The following BOP1 variants were observed in gnomAD, a reference collection of about 807,000 sequenced individuals.
BOP1 encodes the protein ribosome biogenesis protein BOP1.
Under a neutral mutation model 82.9 loss-of-function variants are expected in BOP1, and 54 were observed. That is an observed-to-expected ratio of 0.65 (90% CI 0.52 to 0.82). BOP1 has a LOEUF of 0.82. BOP1 is among the 40% of genes least tolerant of loss of function. The pLI is 0.00. For synonymous variants in BOP1, 566 were observed against 451.1 expected (o/e 1.25, Z -3.23); for missense variants, 1,170 against 1,072.0 (o/e 1.09, Z -1.28).
intron 11 of BOP1, 25 bp from the exon 12 acceptor site, chr8:144,263,426 C>G: frequency 6.3e-7 from 1 of 1,597,836 alleles, no homozygotes; most frequent in Non-Finnish European, 8.5e-7. Flanking sequence ...CAGACACGGC[C>G]CCTAAGCACA....
At chr8:144,284,725 C>A (rs547729630) in intron 2 of BOP1, among the ~76,000 whole-genome samples, 47 of 152,318 alleles carry the variant, frequency 3.1e-4, no homozygotes, top group South Asian at 2.5e-3. Context: ...TCCAAAGGTG[C>A]CCTAGAACAC....
At chr8:144,265,674 C>T (rs1350104281) in intron 3 of BOP1, 1 of 158,586 alleles carries the variant, frequency 6.3e-6, no homozygotes, top group Non-Finnish European at 1.4e-5. Flanking sequence ...ACAGTAGCCA[C>T]GGGGAGGGGC....
In BOP1 at chr8:144,262,979, C is replaced by A; in HGVS notation, c.1768G>T (p.Ala590Ser). 4 of 1,551,900 alleles carry A rather than the reference C, an allele frequency of 2.6e-6. No homozygotes were observed. Among genetic ancestry groups the A allele is most frequent in the Non-Finnish European group, 3.5e-6 (4 of 1,155,846 alleles). Residue 590 changes from alanine to serine, a missense_variant, in exon 13 of 16, where the codon GCC becomes TCC. Coordinates refer to ENST00000569669, the MANE Select transcript of BOP1 (RefSeq NM_015201.5). ...GACGCCACCAACAGGAAGGGCCGGG[C>A]AGGGTGGAAGGCCACTCGCTGCACC... The part of the protein sequence containing the change: ...GQVQRVAFHP[A>S]RPFLLVASQR...
chr8:144,274,142 C>A (rs1438360164), intron 3 of BOP1, among the ~76,000 whole-genome samples: 2 of 152,136 alleles, frequency 1.3e-5, no homozygotes, highest in African/African-American at 4.8e-5. Context: ...AGCATCACAG[C>A]CACTGCCACC....
intron 3 of BOP1, among the ~76,000 whole-genome samples, chr8:144,272,590 G>T (rs1845508454): frequency 6.6e-6 from 1 of 152,100 alleles, no homozygotes; most frequent in East Asian, 1.9e-4. Context: ...GCCCACCCGG[G>T]TTCCAGCTGC....
intron 3 of BOP1, among the ~76,000 whole-genome samples, chr8:144,270,607 C>T (rs1432364291): frequency 1.3e-5 from 2 of 152,152 alleles, no homozygotes; most frequent in Non-Finnish European, 2.9e-5. Flanking sequence ...GGGAGGAACA[C>T]TCCGTCACCC....
Position 144,264,725 on chromosome 8 carries a change from T to C in BOP1, c.652A>G (p.Asn218Asp), listed in dbSNP as rs1166403186. 2 of 1,577,408 alleles carry C rather than the reference T, an allele frequency of 1.3e-6. No homozygotes were observed. The highest frequency in any genetic ancestry group is 8.6e-7 in the Non-Finnish European group (1 of 1,162,390). Residue 218 changes from asparagine to aspartate, a missense_variant, in exon 5 of 16, where the codon AAC becomes GAC. Transcript: ENST00000569669. ...QSGQFGDVGF[N>D]PYEPAVDFFS... ...CCCCTGCCACCTACCTCATAGGGGT[T>C]GAAGCCCACATCCCCAAACTGGCCA...
rs1845319148 is a variant in BOP1 at position 144,264,835 on chromosome 8, G to A, written c.546-4C>T. The A allele has an allele frequency of 1.9e-6, 3 of 1,608,954 alleles. No homozygotes were observed. The highest frequency in any genetic ancestry group is 2.5e-6 in the Non-Finnish European group (3 of 1,179,108). On this transcript the variant is annotated splice_region_variant and splice_polypyrimidine_tract_variant and intron_variant, in intron 4 of 15. Transcript: ENST00000569669. ...CATCGGGTCCTGCACGGTGCGCCTGGAGACCGCCAGTCAGACCCCGCCAGC... is the reference window on the plus strand; with the variant it reads ...CATCGGGTCCTGCACGGTGCGCCTGAAGACCGCCAGTCAGACCCCGCCAGC...
intron 3 of BOP1, chr8:144,268,007 G>A (rs995303877): frequency 1.1e-5 from 17 of 1,535,380 alleles, no homozygotes; most frequent in Middle Eastern, 2.2e-4. Context: ...GTGCCTTGGC[G>A]CTGGCCACCT....
rs1042884394 is a variant in BOP1 at position 144,276,413 on chromosome 8, T to C, written c.310-109A>G. On this transcript the variant is annotated intron_variant, in intron 2 of 15. Transcript: ENST00000569669. Reference sequence around the variant, plus strand: ...CCGAAATCTCTGAGCAGCTCCAGCCTGGCACAGGCCTCAGCACAAGGCCGA... The same window carrying C: ...CCGAAATCTCTGAGCAGCTCCAGCCCGGCACAGGCCTCAGCACAAGGCCGA... 4.4e-4 allele frequency: 558 copies of C among 1,257,996 alleles called. 3 individuals are homozygous for C. In the African/African-American group the frequency reaches 7.4e-3, roughly 17 times the overall value. The allele number at this position is 1,257,996 out of a possible 1,614,324, so 77.9% of individuals were successfully genotyped here. A position where few individuals can be genotyped will look rare whatever the true frequency, so the allele number is the denominator to read the frequency against.
At chr8:144,290,443 T>TCA (rs1228093255) in intron 1 of BOP1, among the ~76,000 whole-genome samples, 1 of 152,190 alleles carries the variant, frequency 6.6e-6, no homozygotes, top group East Asian at 1.9e-4. Context: ...TTTACAAGTC[T>TCA]CACTTAAGGT....
intron 3 of BOP1, among the ~76,000 whole-genome samples, chr8:144,269,709 T>C (rs1450427426): frequency 3.9e-5 from 6 of 152,062 alleles, no homozygotes; most frequent in Non-Finnish European, 7.4e-5. Flanking sequence ...GAGGACAAGC[T>C]CAGTCACTGC....
intron 2 of BOP1, among the ~76,000 whole-genome samples, chr8:144,286,395 GGGCGC>G (rs1814869619): frequency 3.4e-5 from 5 of 148,032 alleles, no homozygotes; most frequent in African/African-American, 1.3e-4. Context: ...GCAGGTGCAT[GGGCGC>G]CACGGCAGGG....
chr8:144,274,173 G>A (rs963853206), intron 3 of BOP1, among the ~76,000 whole-genome samples: 121 of 151,532 alleles, frequency 8.0e-4, no homozygotes, highest in African/African-American at 2.7e-3. Flanking sequence ...AGCTGAGATC[G>A]CCGCTCGCAG....
rs1413085603 is a variant in BOP1, at chr8:144,263,589, C to T, written c.1313G>A (p.Arg438Gln). 8.1e-6 allele frequency: 13 copies of T among 1,605,158 alleles called. No individual in the cohort carries two copies. The highest frequency in any genetic ancestry group is 8.0e-5 in the African/African-American group (6 of 74,872). ...LVSGSDDGSL[R>Q]LWEVATARCV... Reference sequence around the variant, plus strand: ...GCGGGCAGTGGCCACCTCCCAGAGCCGCAGGGAGCCGTCGTCAGAGCCTGG... The same window carrying T: ...GCGGGCAGTGGCCACCTCCCAGAGCTGCAGGGAGCCGTCGTCAGAGCCTGG... Residue 438 changes from arginine to glutamine, a missense_variant, in exon 11 of 16, where the codon CGG (arginine) becomes CAG (glutamine). Transcript: ENST00000569669.
intron 3 of BOP1, chr8:144,268,470 G>A (rs1845433121): frequency 1.4e-5 from 7 of 485,352 alleles, no homozygotes; most frequent in Non-Finnish European, 2.2e-5. Context: ...AAACAAAACA[G>A]TATCTTCCAA....
At chr8:144,282,733 G>A (rs1352513955) in intron 2 of BOP1, among the ~76,000 whole-genome samples, 2 of 152,000 alleles carry the variant, frequency 1.3e-5, no homozygotes, top group African/African-American at 4.8e-5. Flanking sequence ...CCACCCCCCA[G>A]ACACAGAGTA....
intron 3 of BOP1, among the ~76,000 whole-genome samples, chr8:144,269,955 CACTGGGT>C (rs1458250064): frequency 1.1e-4 from 16 of 152,202 alleles, no homozygotes; most frequent in Admixed American, 2.0e-4. Flanking sequence ...CTCCACTGGG[CACTGGGT>C]GTAGTTCTGT....
At chr8:144,267,105 GCCTCCCGC>G in intron 3 of BOP1, 1 of 1,439,590 alleles carries the variant, frequency 6.9e-7, no homozygotes, top group Non-Finnish European at 9.0e-7. Context: ...CGCCCCCGCC[GCCTCCCGC>G]CCGCGACGGC....
Sources: gnomAD v4.1 joint callset for allele counts (sites outside exome capture counted in the v4.1 genomes callset) on GRCh38, gnomAD v4.1.1 for gene constraint, MANE v1.5 for transcripts, NCBI Gene and HGNC (gene_info 2026-07-23, HGNC 2026-07-21) for gene names.